Variants in LRP1B observed in about 807,000 individuals in gnomAD.
The protein encoded by LRP1B is LDL receptor related protein 1B.
Under a neutral mutation model 556.6 loss-of-function variants are expected in LRP1B, and 217 were observed. The observed-to-expected ratio is 0.39, with a 90% CI of 0.35 to 0.44. LRP1B has a LOEUF of 0.44. Among genes scored for constraint, LRP1B ranks in the 20% least tolerant of loss-of-function variants. The pLI, the probability that LRP1B is intolerant of heterozygous loss-of-function variation, is 1.00. For synonymous variants in LRP1B, 2,047 were observed against 1,865.8 expected, an observed-to-expected ratio of 1.10 and a Z score of -2.50; for missense variants, 5,053 against 5,620.8, an observed-to-expected ratio of 0.90 and a Z score of 3.23.
At chr2:140,744,814 G>A (rs1024993496) in intron 35 of LRP1B, among the ~76,000 whole-genome samples, 2 of 152,042 alleles carry the variant, frequency 1.3e-5, no homozygotes, top group African/African-American at 4.8e-5. Flanking sequence ...TTGTTTGTTT[G>A]TTACCCAGCT....
At chr2:141,944,132 A>C (rs1700891507) in intron 1 of LRP1B, among the ~76,000 whole-genome samples, 1 of 152,172 alleles carries the variant, frequency 6.6e-6, no homozygotes, top group African/African-American at 2.4e-5. Context: ...ACTGAAAGTG[A>C]CAATGACAGA....
intron 1 of LRP1B, among the ~76,000 whole-genome samples, chr2:142,050,354 A>G (rs1704411604): frequency 6.6e-6 from 1 of 152,150 alleles, no homozygotes; most frequent in Non-Finnish European, 1.5e-5. Flanking sequence ...ATCTAGTTAT[A>G]CAATCTTACC....
intron 71 of LRP1B, among the ~76,000 whole-genome samples, chr2:140,365,700 C>G (rs1682729687): frequency 6.6e-6 from 1 of 151,594 alleles, no homozygotes; most frequent in Non-Finnish European, 1.5e-5. Context: ...ATAGATATCA[C>G]AGTATAGAAT....
At chr2:141,937,666 T>TAA (rs1207820305) in intron 1 of LRP1B, among the ~76,000 whole-genome samples, 7 of 144,488 alleles carry the variant, frequency 4.8e-5, no homozygotes, top group African/African-American at 1.8e-4. Flanking sequence ...GCACCTAAAT[T>TAA]AAAAAAAAAA....
chr2:142,047,837 C>A (rs1289838354), intron 1 of LRP1B, among the ~76,000 whole-genome samples: 1 of 151,908 alleles, frequency 6.6e-6, no homozygotes, highest in Non-Finnish European at 1.5e-5. Context: ...AAGGTAGAAC[C>A]AATAGAAGCT....
intron 2 of LRP1B, among the ~76,000 whole-genome samples, chr2:141,611,134 A>G (rs16846586): frequency 0.12 from 17,634 of 152,244 alleles, 1,254 homozygotes; most frequent in South Asian, 0.25. Context: ...CACAGTCCAC[A>G]TAGAATAATG....
chr2:141,381,014 T>C (rs1228205944), intron 3 of LRP1B, among the ~76,000 whole-genome samples: 1 of 149,458 alleles, frequency 6.7e-6, no homozygotes, highest in Non-Finnish European at 1.5e-5. Flanking sequence ...CAGAGTTAGT[T>C]AGTCAAGAAA....
chr2:141,155,862 G>A (rs908880222), intron 7 of LRP1B, among the ~76,000 whole-genome samples: 2 of 152,024 alleles, frequency 1.3e-5, no homozygotes, highest in Admixed American at 6.6e-5. Flanking sequence ...TTCATTTTAT[G>A]TGTAGCTGAA....
At chr2:141,358,823 C>T (rs905031025) in intron 3 of LRP1B, among the ~76,000 whole-genome samples, 14 of 151,796 alleles carry the variant, frequency 9.2e-5, no homozygotes, top group Admixed American at 3.9e-4. Context: ...ATTGGAGGTT[C>T]GCATAAATGG....
chr2:140,861,022 CTATCTAATT>C (rs898483521), intron 27 of LRP1B, among the ~76,000 whole-genome samples: 3 of 135,344 alleles, frequency 2.2e-5, no homozygotes, highest in Non-Finnish European at 4.9e-5. Flanking sequence ...ATCTATCTAT[CTATCTAATT>C]TATCTAATTT....
chr2:141,291,942 A>G (rs1238296024), intron 3 of LRP1B, among the ~76,000 whole-genome samples: 1 of 151,158 alleles, frequency 6.6e-6, no homozygotes, highest in Non-Finnish European at 1.5e-5. Context: ...CCTTTATTCA[A>G]CAAATATTTA....
intron 41 of LRP1B, among the ~76,000 whole-genome samples, chr2:140,654,296 C>T (rs116362410): frequency 0.012 from 1,872 of 152,068 alleles, 14 homozygotes; most frequent in Admixed American, 0.019. Context: ...TCTGAGGAGA[C>T]AACAATTGTG....
chr2:140,395,631 T>C (rs949570299), intron 66 of LRP1B, among the ~76,000 whole-genome samples: 4 of 152,324 alleles, frequency 2.6e-5, no homozygotes, highest in Middle Eastern at 3.4e-3. Flanking sequence ...AAAACTTTTA[T>C]GTTATTCTTC....
chr2:141,118,642 A>T (rs1700966311), intron 7 of LRP1B, among the ~76,000 whole-genome samples: 1 of 151,926 alleles, frequency 6.6e-6, no homozygotes, highest in South Asian at 2.1e-4. Context: ...AAGGATATCA[A>T]ATGCACACTC....
chr2:140,712,690 T>C (rs1687075890), intron 37 of LRP1B, among the ~76,000 whole-genome samples: 1 of 152,152 alleles, frequency 6.6e-6, no homozygotes, highest in South Asian at 2.1e-4. Flanking sequence ...ATTCTGTATA[T>C]GCTAGCTCCA....
intron 5 of LRP1B, among the ~76,000 whole-genome samples, chr2:141,241,047 C>A (rs1482959288): frequency 6.6e-6 from 1 of 152,006 alleles, no homozygotes; most frequent in African/African-American, 2.4e-5. Context: ...CCAAAACCAA[C>A]ATAGAATATT....
At chr2:141,951,329 A>T (rs770100115) in intron 1 of LRP1B, among the ~76,000 whole-genome samples, 3 of 152,092 alleles carry the variant, frequency 2.0e-5, no homozygotes, top group Non-Finnish European at 4.4e-5. Context: ...CTTATCCCTC[A>T]CATTCCTCCC....
At chr2:141,900,575 G>A (rs1699588265) in intron 1 of LRP1B, among the ~76,000 whole-genome samples, 1 of 151,896 alleles carries the variant, frequency 6.6e-6, no homozygotes, top group Admixed American at 6.6e-5. Flanking sequence ...TTCATACACA[G>A]ATGACCTCAT....
chr2:140,535,618 A>C (rs1690917497), intron 46 of LRP1B, among the ~76,000 whole-genome samples: 1 of 152,144 alleles, frequency 6.6e-6, no homozygotes, highest in Admixed American at 6.6e-5. Flanking sequence ...TAGATTCCTA[A>C]ATTTTGCATA....
Sources: allele counts gnomAD v4.1 joint callset (sites outside exome capture counted in the v4.1 genomes callset), GRCh38; gene constraint gnomAD v4.1.1; transcripts MANE v1.5; gene names NCBI Gene and HGNC (gene_info 2026-07-23, HGNC 2026-07-21).